Variants in RERE observed in about 807,000 individuals in gnomAD.
RERE encodes arginine-glutamic acid dipeptide repeats.
RERE carries 40 observed loss-of-function variants against 146.1 expected under a neutral mutation model. The observed-to-expected ratio is 0.27, with a 90% CI of 0.21 to 0.36. The LOEUF (loss-of-function observed/expected upper bound fraction) is 0.36. RERE is among the 10% of genes least tolerant of loss of function. The pLI is 1.00. For synonymous variants in RERE, 1,003 were observed against 866.0 expected (o/e 1.16, Z -2.78); for missense variants, 1,933 against 2,138.7 (o/e 0.90, Z 1.90).
At chr1:8,486,999 C>G (rs1644911100) in intron 10 of RERE, among the ~76,000 whole-genome samples, 1 of 152,078 alleles carries the variant, frequency 6.6e-6, no homozygotes. Flanking sequence ...AGAAGGAAGA[C>G]TACAACTCAG....
At chr1:8,605,195 T>C (rs1646687351) in intron 4 of RERE, among the ~76,000 whole-genome samples, 1 of 152,180 alleles carries the variant, frequency 6.6e-6, no homozygotes, top group Non-Finnish European at 1.5e-5. Context: ...TGGGGTGCGA[T>C]GGCATGATCT....
At chr1:8,531,545 T>A (rs1315425357) in intron 7 of RERE, among the ~76,000 whole-genome samples, 4 of 152,202 alleles carry the variant, frequency 2.6e-5, no homozygotes, top group Non-Finnish European at 1.5e-5. Flanking sequence ...TTATACTTTA[T>A]TAATAAATGT....
intron 1 of RERE, among the ~76,000 whole-genome samples, chr1:8,771,046 C>T (rs1640939053): frequency 6.6e-6 from 1 of 151,942 alleles, no homozygotes; most frequent in African/African-American, 2.4e-5. Context: ...AGAATAAAAT[C>T]TTATTTCTAT....
At chr1:8,369,508 TAAAAAAAAAAAAAAAA>T (rs1186718390) in intron 12 of RERE, among the ~76,000 whole-genome samples, 2 of 76,892 alleles carry the variant, frequency 2.6e-5, no homozygotes, top group South Asian at 5.6e-4. Context: ...CGCCTTTTAC[TAAAAAAAAAAAAAAAA>T]AAAAAAAAAA....
chr1:8,730,288 C>G (rs1399203284), intron 1 of RERE, among the ~76,000 whole-genome samples: 2 of 152,172 alleles, frequency 1.3e-5, no homozygotes, highest in African/African-American at 4.8e-5. Context: ...CGGGTTTTGA[C>G]TCTCCCTGTA....
At chr1:8,598,144 T>G (rs535739864) in intron 4 of RERE, among the ~76,000 whole-genome samples, 9 of 152,244 alleles carry the variant, frequency 5.9e-5, no homozygotes, top group Non-Finnish European at 1.0e-4. Flanking sequence ...AGAATGCAAG[T>G]GTGTATTCGA....
chr1:8,749,565 G>A (rs1214008554), intron 1 of RERE, among the ~76,000 whole-genome samples: 3 of 152,136 alleles, frequency 2.0e-5, no homozygotes, highest in East Asian at 3.8e-4. Flanking sequence ...TGATGGAACC[G>A]CACTGAGGCA....
chr1:8,366,100 C>T (rs1227192967), intron 12 of RERE, 126 bp from the exon 13 acceptor site: 21 of 1,012,216 alleles, frequency 2.1e-5, no homozygotes, highest in African/African-American at 1.3e-4. Flanking sequence ...AAAGACCAGT[C>T]GCTCCTGGAG....
chr1:8,758,387 CTTTTTT>C (rs34187776), intron 1 of RERE, among the ~76,000 whole-genome samples: 1 of 132,060 alleles, frequency 7.6e-6, no homozygotes, highest in African/African-American at 2.8e-5. Flanking sequence ...GGCCCTCAAT[CTTTTTT>C]TTTTTTTTTT....
At chr1:8,693,267 TTA>T (rs1481379869) in intron 1 of RERE, among the ~76,000 whole-genome samples, 12 of 152,304 alleles carry the variant, frequency 7.9e-5, no homozygotes, top group South Asian at 2.1e-4. Context: ...AGCTGAAAAC[TTA>T]TCTCACCACA....
At chr1:8,595,158 C>CAA (rs1050957833) in intron 4 of RERE, among the ~76,000 whole-genome samples, 6 of 66,352 alleles carry the variant, frequency 9.0e-5, no homozygotes, top group Non-Finnish European at 1.3e-4. Context: ...AGACCGTGTC[C>CAA]AAAAAAAAAA....
chr1:8,414,076 AAT>A (rs1164284558), intron 12 of RERE, among the ~76,000 whole-genome samples: 25 of 149,874 alleles, frequency 1.7e-4, no homozygotes, highest in African/African-American at 6.0e-4. Flanking sequence ...AAAAAAAAGA[AAT>A]GAGGGGACTC....
chr1:8,744,145 C>G (rs1168335723), intron 1 of RERE, among the ~76,000 whole-genome samples: 1 of 152,154 alleles, frequency 6.6e-6, no homozygotes, highest in Non-Finnish European at 1.5e-5. Flanking sequence ...AGATGATTCC[C>G]TTTCATTTAA....
In RERE at chr1:8,600,286, T is replaced by C. The variant is rs556299248; in HGVS notation, c.522+14275A>G. Among the ~76,000 whole-genome samples, 235 of 152,316 alleles carry C rather than the reference T, an allele frequency of 1.5e-3. 4 individuals carry two copies. Among genetic ancestry groups the C allele is most frequent in the African/African-American group, 5.3e-3 (221 of 41,572 alleles). The stretch of plus-strand genomic sequence containing the variant: ...TCTCCGTATGTCTTAATTAGTGGCC[T>C]GAGAACAGACTAATACACCATAGCA... On this transcript the variant is annotated intron_variant, in intron 4 of 22. Coordinates refer to ENST00000400908, the MANE Select transcript of RERE (RefSeq NM_001042681.2).
At chr1:8,701,287 T>TACACACACACACACACAC (rs745905637) in intron 1 of RERE, among the ~76,000 whole-genome samples, 1 of 93,644 alleles carries the variant, frequency 1.1e-5, no homozygotes, top group Non-Finnish European at 2.0e-5. Context: ...GTGAGGGGAA[T>TACACACACACACACACAC]ACACACACAC....
chr1:8,686,472 G>A (rs187937992), intron 1 of RERE, among the ~76,000 whole-genome samples: 10 of 152,272 alleles, frequency 6.6e-5, no homozygotes, highest in East Asian at 3.9e-4. Flanking sequence ...AGATGTAGCC[G>A]GGCACGGTGG....
chr1:8,382,326 C>T (rs1241270437), intron 12 of RERE, among the ~76,000 whole-genome samples: 15 of 152,250 alleles, frequency 9.9e-5, no homozygotes, highest in Admixed American at 9.2e-4. Context: ...GATCTCAGGT[C>T]CACCTTTGTG....
At chr1:8,484,953 C>T (rs1644879799) in intron 10 of RERE, among the ~76,000 whole-genome samples, 1 of 152,164 alleles carries the variant, frequency 6.6e-6, no homozygotes, top group Non-Finnish European at 1.5e-5. Flanking sequence ...AAACAAAGAA[C>T]AACTGTCCTG....
At chr1:8,482,079 G>A (rs192206567) in intron 10 of RERE, among the ~76,000 whole-genome samples, 12 of 152,154 alleles carry the variant, frequency 7.9e-5, no homozygotes, top group Admixed American at 4.6e-4. Flanking sequence ...GTAAAAGAAA[G>A]CAGTCACAAA....
Sources: gnomAD v4.1 joint callset for allele counts (sites outside exome capture counted in the v4.1 genomes callset) on GRCh38, gnomAD v4.1.1 for gene constraint, MANE v1.5 for transcripts, NCBI Gene and HGNC (gene_info 2026-07-23, HGNC 2026-07-21) for gene names.